CPXM1: variants seen among roughly 807,000 people sequenced by gnomAD.
CPXM1 encodes the protein carboxypeptidase X, M14 family member 1, also known as probable carboxypeptidase X1.
A neutral mutation model predicts 80.4 loss-of-function variants in CPXM1; 72 were observed. The observed-to-expected ratio is 0.90, with a 90% CI of 0.74 to 1.09. The LOEUF is 1.09. Ranked by LOEUF, CPXM1 falls within the 50% of genes least tolerant of loss-of-function variation. The probability of loss-of-function intolerance (pLI) is 0.00; values close to 1 mark genes in which losing one functional copy is unlikely to be tolerated. For missense variants in CPXM1, 892 were observed against 999.4 expected, an observed-to-expected ratio of 0.89 and a Z score of 1.45; for synonymous variants, 403 against 405.6, an observed-to-expected ratio of 0.99 and a Z score of 0.08.
chr20:2,798,586 G>C, intron 2 of CPXM1, 49 bp from the exon 3 acceptor site: 1 of 1,573,772 alleles, frequency 6.4e-7, no homozygotes. Flanking sequence ...AGGGTAGCCA[G>C]GGCAGGTGGG....
In CPXM1 at chr20:2,795,299, G is replaced by A. The variant is rs748471153; in HGVS notation, c.1838C>T (p.Ala613Val). 1.9e-6 allele frequency: 3 copies of A among 1,614,034 alleles called. No individual in the cohort carries two copies. In the Admixed American group the frequency reaches 5.0e-5, roughly 27 times the overall value. ...LPQEWENNKD[A>V]LLTYLEQVRM... Reference sequence around the variant, plus strand: ...GACCTGCTCCAGGTAGGTGAGGAGGGCGTCTTTGTTGTTCTCCCACTCCTG... The same window carrying A: ...GACCTGCTCCAGGTAGGTGAGGAGGACGTCTTTGTTGTTCTCCCACTCCTG... Residue 613 changes from alanine to valine, a missense_variant, in exon 12 of 14, where the codon GCC (alanine) becomes GTC (valine). Coordinates refer to ENST00000380605, the MANE Select transcript of CPXM1 (RefSeq NM_019609.5). The surrounding 1 kb of genome is among the most constrained non-coding windows in gnomAD (Gnocchi z 5.4).
Position 2,800,468 on chromosome 20 carries a change from G to A in CPXM1, c.105C>T (p.Thr35=). 1.2e-5 allele frequency: 18 copies of A among 1,468,044 alleles called. No individual in the cohort carries two copies. Among genetic ancestry groups the A allele is most frequent in the Non-Finnish European group, 1.6e-5 (18 of 1,116,910 alleles). 90.9% of individuals were successfully genotyped at this position (1,468,044 alleles called of 1,614,324 possible). A position where few individuals can be genotyped will look rare whatever the true frequency, so the allele number is the denominator to read the frequency against. Residue 35 remains threonine, a synonymous_variant, in exon 1 of 14, where the codon ACC becomes ACT. Coordinates refer to ENST00000380605, the MANE Select transcript of CPXM1 (RefSeq NM_019609.5). ...GGGCCGGGGTCGAGCCTGGGACCTT[G>A]GTGGTCCCGGGCTGCGCGAGGCCCA... ...SVLGLAQPGT[T]KVPGSTPALH...
Position 2,800,551 on chromosome 20 carries a change from G to A in CPXM1, c.22C>T (p.Leu8=). The change falls in exon 1 of 14, where the codon CTG becomes TTG. Residue 8 remains leucine (L), a synonymous_variant. Coordinates refer to ENST00000380605, the MANE Select transcript of CPXM1 (RefSeq NM_019609.5). MWGLLLA[L]AAFAPAVGPA... is the part of the protein sequence containing the mutation. ...CCGACGGCCGGCGCGAAGGCGGCCA[G>A]GGCGAGCAGGAGCCCCCACATGGCG... 2 of 1,348,742 alleles carry A rather than the reference G, an allele frequency of 1.5e-6. No homozygotes were observed. The highest frequency in any genetic ancestry group is 5.5e-4 in the Middle Eastern group (2 of 3,646). 83.5% of individuals were successfully genotyped at this position (1,348,742 alleles called of 1,614,324 possible).
In CPXM1 at chr20:2,798,713, G is replaced by A; in HGVS notation, c.340+13C>T. On this transcript the variant is annotated intron_variant, in intron 2 of 13. Coordinates refer to ENST00000380605, the MANE Select transcript of CPXM1 (RefSeq NM_019609.5). ...GGCTGCAAGTCTGGGCTGGGCCCCT[G>A]GAGAGGAAGTACCTGTTTCTTGTTT... 1 of 1,607,184 alleles carries A rather than the reference G, an allele frequency of 6.2e-7. No homozygotes were observed. Among genetic ancestry groups the A allele is most frequent in the South Asian group, 1.1e-5 (1 of 90,520 alleles).
rs201086152 is a variant in CPXM1, at chr20:2,796,429, G to A, written c.1060C>T (p.Arg354Cys). Residue 354 changes from arginine to cysteine, a missense_variant, in exon 9 of 14, where the codon CGC (arginine) becomes TGC (cysteine). Arg to Cys is a radical substitution (Grantham distance 180). Coordinates refer to ENST00000380605, the MANE Select transcript of CPXM1 (RefSeq NM_019609.5). The surrounding 1 kb of genome is among the most constrained non-coding windows in gnomAD (Gnocchi z 6.8). ...TTCCCATGCATGCCAGCCACGTAGC[G>A]CACCTCAGGCTCCCCTGGGGACACA... ...GEHELGEPEVRYVAGMHGNEA... is the reference protein window; with the variant it reads ...GEHELGEPEVCYVAGMHGNEA... The A allele has an allele frequency of 5.2e-4, 841 of 1,613,826 alleles. 1 individual carries two copies. The highest frequency in any genetic ancestry group is 6.7e-4 in the Non-Finnish European group (795 of 1,179,972).
Position 2,796,472 on chromosome 20 carries a change from T to C in CPXM1, c.1046-29A>G, listed in dbSNP as rs751923365. 4 of 1,613,224 alleles carry C rather than the reference T, an allele frequency of 2.5e-6. No homozygotes were observed. The Admixed American group carries it at 6.7e-5, about 27-fold the overall frequency. On this transcript the variant is annotated intron_variant, in intron 8 of 13. Transcript: ENST00000380605. The surrounding 1 kb of genome is among the most constrained non-coding windows in gnomAD (Gnocchi z 6.8). ...GGGACACATGGGGGCTTGCAGCGGG[T>C]TCATGCCTGGGGCCCTGCCCTGTGC...
At position 2,797,949 on chromosome 20, in the gene CPXM1, C is replaced by T. The variant is rs2088526922; in HGVS notation, c.681+19G>A. The T allele has an allele frequency of 6.2e-7, 1 of 1,609,034 alleles. No homozygotes were observed. Among genetic ancestry groups the T allele is most frequent in the African/African-American group, 1.3e-5 (1 of 74,854 alleles). On this transcript the variant is annotated intron_variant, in intron 5 of 13. Transcript: ENST00000380605. ...CCAACTCCCAGCATGGAGGCCCCAG[C>T]CACAGTGGGACCACTCACTGCGTCC...
rs2088536619 is a variant in CPXM1 at position 2,798,722 on chromosome 20, G to A, written c.340+4C>T. 2 of 1,610,222 alleles carry A rather than the reference G, an allele frequency of 1.2e-6. No individual in the cohort carries two copies. Among genetic ancestry groups the A allele is most frequent in the East Asian group, 4.5e-5 (2 of 44,794 alleles). On this transcript the variant is annotated splice_donor_region_variant and intron_variant, in intron 2 of 13. Coordinates refer to ENST00000380605, the MANE Select transcript of CPXM1 (RefSeq NM_019609.5). ...TCTGGGCTGGGCCCCTGGAGAGGAA[G>A]TACCTGTTTCTTGTTTCTCAGCGGG...
chr20:2,795,478 C>A lies in CPXM1; in HGVS notation c.1721-62G>T. The A allele has an allele frequency of 6.3e-7, 1 of 1,594,040 alleles. No homozygotes were observed. Among genetic ancestry groups the A allele is most frequent in the South Asian group, 1.1e-5 (1 of 88,868 alleles). On this transcript the variant is annotated intron_variant, in intron 11 of 13. Coordinates refer to ENST00000380605, the MANE Select transcript of CPXM1 (RefSeq NM_019609.5). This position sits in a 1 kb window ranked among gnomAD's most constrained non-coding sequence, Gnocchi z 5.4. The stretch of plus-strand genomic sequence containing the variant: ...GGATGCGGTCCCATCCTCCCGCTAC[C>A]CTCCCTTCTCTGAGGGACACTTCAG...
chr20:2,800,547 G>A lies in CPXM1; in HGVS notation c.26C>T (p.Ala9Val). MWGLLLAL[A>V]AFAPAVGPAL... The stretch of plus-strand genomic sequence containing the variant: ...CGGGCCGACGGCCGGCGCGAAGGCG[G>A]CCAGGGCGAGCAGGAGCCCCCACAT... The change falls in exon 1 of 14, where the codon GCC becomes GTC. Residue 9 changes from alanine to valine, a missense_variant. By Grantham distance (64) the Ala-to-Val change is moderately conservative (BLOSUM62 0). This residue lies in a region of CPXM1 where 18 missense variants were observed against 41.1 expected (regional missense o/e 0.44). Coordinates refer to ENST00000380605, the MANE Select transcript of CPXM1 (RefSeq NM_019609.5). The A allele has an allele frequency of 1.5e-6, 2 of 1,351,334 alleles. No homozygotes were observed. Among genetic ancestry groups the A allele is most frequent in the Non-Finnish European group, 1.9e-6 (2 of 1,057,360 alleles). 83.7% of individuals were successfully genotyped at this position (1,351,334 alleles called of 1,614,324 possible).
Position 2,797,207 on chromosome 20 carries a change from C to A in CPXM1, c.817G>T (p.Ala273Ser), listed in dbSNP as rs768153367. The A allele has an allele frequency of 1.3e-6, 2 of 1,587,752 alleles. No homozygotes were observed. The highest frequency in any genetic ancestry group is 2.2e-5 in the South Asian group (2 of 88,938). The change falls in exon 6 of 14, where the codon GCC (alanine) becomes TCC (serine). Residue 273 changes from alanine to serine, a missense_variant. Physicochemically the swap from Ala to Ser is moderately conservative, Grantham distance 99. This residue lies in a region of CPXM1 where 874 missense variants were observed against 958.4 expected (regional missense o/e 0.91). Coordinates refer to ENST00000380605, the MANE Select transcript of CPXM1 (RefSeq NM_019609.5). The stretch of plus-strand genomic sequence containing the variant: ...GACTGCCCACCTGAGACTGGGCAGG[C>A]CAGGATCTCTGCCCGGAGGCAAGGC... ...GAPCLRAEIL[A>S]CPVSDPNDLF... is the part of the protein sequence containing the mutation.
intron 1 of CPXM1, among the ~76,000 whole-genome samples, chr20:2,799,690 C>T (rs955984814): frequency 1.3e-5 from 2 of 152,152 alleles, no homozygotes; most frequent in Non-Finnish European, 1.5e-5. Context: ...TCTAGAAGCC[C>T]CTGAGTGCCC....
Position 2,798,076 on chromosome 20 carries a change from G to A in CPXM1, c.591-18C>T. On this transcript the variant is annotated intron_variant, in intron 4 of 13. Coordinates refer to ENST00000380605, the MANE Select transcript of CPXM1 (RefSeq NM_019609.5). ...AGTCATACCTGGCAGGAGAGGTGGA[G>A]AGAGATCATCGGTGCCCCCAGGACT... 3.7e-6 allele frequency: 6 copies of A among 1,614,076 alleles called. No homozygotes were observed. Among genetic ancestry groups the A allele is most frequent in the Non-Finnish European group, 5.1e-6 (6 of 1,179,970 alleles).
chr20:2,794,663 G>A lies in CPXM1; in HGVS notation c.1861-24C>T, dbSNP rs1400105414. ...ACCTGTGTGGGAAGAGGTTATCAGA[G>A]CCCTTCCCCTTCGGCAGGATAATGT... On this transcript the variant is annotated intron_variant, in intron 12 of 13. Transcript: ENST00000380605. This position sits in a 1 kb window ranked among gnomAD's most constrained non-coding sequence, Gnocchi z 5.2. The A allele has an allele frequency of 3.2e-6, 5 of 1,572,658 alleles. No homozygotes were observed. Among genetic ancestry groups the A allele is most frequent in the Non-Finnish European group, 4.4e-6 (5 of 1,148,084 alleles).
rs760577440 is a variant in CPXM1 at position 2,795,568 on chromosome 20, G to A, written c.1720+31C>T. The A allele has an allele frequency of 6.2e-7, 1 of 1,604,464 alleles. No individual in the cohort carries two copies. The highest frequency in any genetic ancestry group is 1.7e-5 in the Admixed American group (1 of 59,780). ...GTCTTATCAGGGCGGGGGTTACGGG[G>A]CCAGGGCTAACTCCACCCTCAGGCA... On this transcript the variant is annotated intron_variant, in intron 11 of 13. Coordinates refer to ENST00000380605, the MANE Select transcript of CPXM1 (RefSeq NM_019609.5). The surrounding 1 kb of genome is among the most constrained non-coding windows in gnomAD (Gnocchi z 5.4).
At position 2,797,087 on chromosome 20, in the gene CPXM1, A is replaced by C. The variant is rs757026350; in HGVS notation, c.840T>G (p.Asn280Lys). 6.2e-7 allele frequency: 1 copy of C among 1,614,080 alleles called. No individual in the cohort carries two copies. Among genetic ancestry groups the C allele is most frequent in the Non-Finnish European group, 8.5e-7 (1 of 1,179,942 alleles). The change falls in exon 7 of 14, where the codon AAT becomes AAG. Residue 280 changes from asparagine (N) to lysine (K), a missense_variant. Transcript: ENST00000380605. ...EILACPVSDP[N>K]DLFLEAPASG... ...ACGCAGGGGCCTCAAGGAATAGGTC[A>C]TTGGGGTCTGGTGGAGGTTGAGTTT...
In CPXM1 at chr20:2,795,687, C is replaced by T. The variant is rs756588229; in HGVS notation, c.1632G>A (p.Gln544=). 1.2e-6 allele frequency: 2 copies of T among 1,614,048 alleles called. No individual in the cohort carries two copies. The highest frequency in any genetic ancestry group is 1.7e-5 in the Admixed American group (1 of 60,032). Residue 544 remains glutamine (Q), a synonymous_variant, in exon 11 of 14, where the codon CAG becomes CAA. Coordinates refer to ENST00000380605, the MANE Select transcript of CPXM1 (RefSeq NM_019609.5). This position sits in a 1 kb window ranked among gnomAD's most constrained non-coding sequence, Gnocchi z 5.4. The part of the protein sequence containing the change: ...TVYAGSNLAM[Q]DTSRRPCHSQ... ...TGTGGCAGGGTCGGCGGCTGGTGTC[C>T]TGCATGGCCAGATTACTGCCAGCAT...
chr20:2,794,430 C>T lies in CPXM1; in HGVS notation c.1965G>A (p.Ala655=), dbSNP rs770444464. ...VDGINHDVTT[A]WGGDYWRLLT... ...GCAGACGCCAATAATCCCCGCCCCA[C>T]GCTGAGGAGAGTGAAGGGCACGATC... The change falls in exon 14 of 14, where the codon GCG becomes GCA. Residue 655 remains alanine, a splice_region_variant and synonymous_variant. Transcript: ENST00000380605. The surrounding 1 kb of genome is among the most constrained non-coding windows in gnomAD (Gnocchi z 5.2). 5.0e-6 allele frequency: 8 copies of T among 1,613,772 alleles called. No homozygotes were observed. The highest frequency in any genetic ancestry group is 4.5e-5 in the East Asian group (2 of 44,874).
At chr20:2,800,288 G>T in intron 1 of CPXM1, 113 bp downstream of exon 1, 1 of 967,232 alleles carries the variant, frequency 1.0e-6, no homozygotes, top group Non-Finnish European at 1.4e-6. Flanking sequence ...GTGCATGACT[G>T]TGAGTGTGCG....
Sources: allele counts gnomAD v4.1 joint callset (sites outside exome capture counted in the v4.1 genomes callset), GRCh38; gene constraint gnomAD v4.1.1; regional missense constraint gnomAD v4.1.1; non-coding constraint Gnocchi (gnomAD v3.1); transcripts MANE v1.5; gene names NCBI Gene and HGNC (gene_info 2026-07-23, HGNC 2026-07-21).